The following DIAPH2 variants were observed in gnomAD, a reference collection of about 807,000 sequenced individuals.
DIAPH2 encodes the protein protein diaphanous homolog 2.
A neutral mutation model predicts 92.7 loss-of-function variants in DIAPH2; 35 were observed. That is an observed-to-expected ratio of 0.38 (90% confidence interval 0.29 to 0.50). The LOEUF is 0.50. Among genes scored for constraint, DIAPH2 ranks in the 20% least tolerant of loss-of-function variants. The pLI is 0.94. For synonymous variants in DIAPH2, 301 were observed against 280.4 expected, an observed-to-expected ratio of 1.07 and a Z score of -0.73; for missense variants, 701 against 819.5, an observed-to-expected ratio of 0.86 and a Z score of 1.77.
At chrX:96,964,789 A>G (rs894683551) in intron 16 of DIAPH2, among the ~76,000 whole-genome samples, 5 of 111,373 alleles carry the variant, frequency 4.5e-5, no homozygotes, top group Admixed American at 9.6e-5. Flanking sequence ...ACCCAGGAAC[A>G]AGAAGATTTT....
intron 17 of DIAPH2, among the ~76,000 whole-genome samples, chrX:97,062,717 A>G (rs1265862222): frequency 1.8e-5 from 2 of 111,268 alleles, no homozygotes; most frequent in Non-Finnish European, 3.8e-5. Context: ...AATGTCACCA[A>G]CAGACTAAAC....
intron 25 of DIAPH2, among the ~76,000 whole-genome samples, chrX:97,406,333 C>G (rs2069809824): frequency 8.9e-6 from 1 of 111,771 alleles, no homozygotes; most frequent in Non-Finnish European, 1.9e-5. Flanking sequence ...CACTTTACTA[C>G]CCAATTCAGA....
chrX:97,393,600 G>A (rs1432033350), intron 25 of DIAPH2, among the ~76,000 whole-genome samples: 1 of 111,343 alleles, frequency 9.0e-6, no homozygotes, highest in Admixed American at 9.5e-5. Context: ...TCCAATGTTT[G>A]GCTATATTGA....
intron 17 of DIAPH2, among the ~76,000 whole-genome samples, chrX:96,999,558 G>T (rs1274895918): frequency 9.2e-6 from 1 of 108,639 alleles, no homozygotes; most frequent in Non-Finnish European, 1.9e-5. Flanking sequence ...GATGACTTGT[G>T]TGGTAGTACT....
At chrX:96,801,498 TGA>T (rs2064582165) in intron 4 of DIAPH2, among the ~76,000 whole-genome samples, 2 of 111,411 alleles carry the variant, frequency 1.8e-5, no homozygotes, top group African/African-American at 6.5e-5. Context: ...TTTAAAAATG[TGA>T]GAGAGGGTTT....
chrX:96,984,504 T>C (rs770450815), intron 17 of DIAPH2, among the ~76,000 whole-genome samples: 6 of 110,759 alleles, frequency 5.4e-5, no homozygotes, highest in Non-Finnish European at 1.1e-4. Context: ...CTATTGGGGG[T>C]GTAATTTTAA....
At chrX:97,193,290 A>G (rs908333774) in intron 22 of DIAPH2, among the ~76,000 whole-genome samples, 5 of 111,503 alleles carry the variant, frequency 4.5e-5, no homozygotes, top group African/African-American at 1.6e-4. Flanking sequence ...TTGGGATTAC[A>G]GGCATAAGCC....
At chrX:96,858,304 A>T (rs1052544078) in intron 4 of DIAPH2, among the ~76,000 whole-genome samples, 4 of 112,064 alleles carry the variant, frequency 3.6e-5, no homozygotes, top group African/African-American at 1.3e-4. Flanking sequence ...TGGTGACAAT[A>T]AAGTAAATTG....
chrX:96,867,396 T>G (rs1320228976), intron 4 of DIAPH2, among the ~76,000 whole-genome samples: 1 of 110,722 alleles, frequency 9.0e-6, no homozygotes, highest in Non-Finnish European at 1.9e-5. Context: ...TTTTTTGTAT[T>G]TTTAGTAGAG....
intron 26 of DIAPH2, among the ~76,000 whole-genome samples, chrX:97,543,237 G>A (rs547003393): frequency 3.6e-5 from 4 of 111,783 alleles, no homozygotes; most frequent in African/African-American, 6.5e-5. Context: ...CTTACATGGC[G>A]CATGTAATGT....
chrX:97,570,579 C>T (rs2071363825), intron 26 of DIAPH2, among the ~76,000 whole-genome samples: 1 of 110,359 alleles, frequency 9.1e-6, no homozygotes, highest in South Asian at 3.9e-4. Flanking sequence ...GGAAGGTAGT[C>T]ATTTGATGCA....
chrX:96,866,402 A>G (rs2065104918), intron 4 of DIAPH2, among the ~76,000 whole-genome samples: 2 of 112,118 alleles, frequency 1.8e-5, no homozygotes, highest in Non-Finnish European at 3.8e-5. Context: ...GACATATTTC[A>G]TATAGCAGTC....
chrX:97,392,120 A>C (rs761669424), intron 25 of DIAPH2, among the ~76,000 whole-genome samples: 1 of 112,297 alleles, frequency 8.9e-6, no homozygotes, highest in South Asian at 3.7e-4. Flanking sequence ...AGTGAAGATC[A>C]GTCTTAGCTC....
At chrX:97,146,007 CTTTTT>C (rs372292277) in intron 22 of DIAPH2, among the ~76,000 whole-genome samples, 16 of 43,172 alleles carry the variant, frequency 3.7e-4, no homozygotes, top group East Asian at 9.5e-4. Context: ...TTTCTTCTTC[CTTTTT>C]TTTTTTTTTT....
At chrX:97,508,073 A>G (rs1699647919) in intron 26 of DIAPH2, among the ~76,000 whole-genome samples, 1 of 111,495 alleles carries the variant, frequency 9.0e-6, no homozygotes, top group Admixed American at 9.6e-5. Context: ...TCTAACACCC[A>G]TCTGTCCCCA....
intron 26 of DIAPH2, among the ~76,000 whole-genome samples, chrX:97,567,190 G>T (rs888329792): frequency 2.2e-4 from 25 of 111,850 alleles, no homozygotes; most frequent in African/African-American, 7.5e-4. Flanking sequence ...TTTATCTACT[G>T]TAAGTCTGAT....
At chrX:96,746,657 A>G (rs1210804510) in intron 3 of DIAPH2, among the ~76,000 whole-genome samples, 1 of 110,210 alleles carries the variant, frequency 9.1e-6, no homozygotes, top group African/African-American at 3.3e-5. Context: ...GGGATCACAC[A>G]ATCCTCCCAC....
At chrX:96,923,704 G>A (rs2065561688) in intron 9 of DIAPH2, among the ~76,000 whole-genome samples, 1 of 111,106 alleles carries the variant, frequency 9.0e-6, no homozygotes, top group Admixed American at 9.6e-5. Context: ...CAGGGGAGGG[G>A]TAGATAGAAA....
At position 97,384,006 on chromosome X, in the gene DIAPH2, G is replaced by A. The variant is rs770225424; in HGVS notation, c.3107G>A (p.Arg1036His). The change falls in exon 25 of 27, where the codon CGC (arginine) becomes CAC (histidine). Residue 1036 changes from arginine (R) to histidine (H), a missense_variant. By Grantham distance (29) the Arg-to-His change is conservative. Coordinates refer to ENST00000324765, the MANE Select transcript of DIAPH2 (RefSeq NM_006729.5). ...KEKAEQEKLERQKKKKQLIDI... is the reference protein window; with the variant it reads ...KEKAEQEKLEHQKKKKQLIDI... ...AAAGCTGAACAAGAAAAGTTAGAAC[G>A]CCAGAAGAAAAAGAAACAACTCATT... 6 of 1,199,802 alleles carry A rather than the reference G, an allele frequency of 5.0e-6. No individual in the cohort carries two copies. The highest frequency in any genetic ancestry group is 5.6e-6 in the Non-Finnish European group (5 of 890,306).
Sources: gnomAD v4.1 joint callset for allele counts (sites outside exome capture counted in the v4.1 genomes callset) on GRCh38, gnomAD v4.1.1 for gene constraint, MANE v1.5 for transcripts, NCBI Gene and HGNC (gene_info 2026-07-23, HGNC 2026-07-21) for gene names.